Variants in CTDSPL2 observed in about 807,000 individuals in gnomAD.
CTDSPL2 encodes the protein CTD small phosphatase like 2.
In CTDSPL2, 5 loss-of-function variants were observed where a neutral mutation model predicts 60.0. The ratio of observed to expected loss-of-function variants is 0.08; its 90% CI spans 0.04 to 0.18. The LOEUF (loss-of-function observed/expected upper bound fraction) is 0.18, where lower values mean the gene tolerates loss of function less well. CTDSPL2 is among the 10% of genes least tolerant of loss of function. The pLI, the probability that CTDSPL2 is intolerant of heterozygous loss-of-function variation, is 1.00. For missense variants in CTDSPL2, 370 were observed against 548.8 expected (o/e 0.67, Z 3.26); for synonymous variants, 186 against 189.3 (o/e 0.98, Z 0.14).
At chr15:44,445,331 G>T (rs1003510188) in intron 1 of CTDSPL2, among the ~76,000 whole-genome samples, 4 of 151,872 alleles carry the variant, frequency 2.6e-5, no homozygotes, top group African/African-American at 9.7e-5. Flanking sequence ...GGGACTATAG[G>T]CATGCACCAT....
chr15:44,480,885 T>C (rs2081014916), intron 2 of CTDSPL2, among the ~76,000 whole-genome samples: 1 of 152,196 alleles, frequency 6.6e-6, no homozygotes, highest in African/African-American at 2.4e-5. Context: ...GTAGGATTAC[T>C]GTATTTAGTG....
intron 5 of CTDSPL2, among the ~76,000 whole-genome samples, chr15:44,492,160 C>T (rs759662782): frequency 8.6e-5 from 13 of 152,026 alleles, no homozygotes; most frequent in African/African-American, 9.7e-5. Context: ...TGAGCCATTG[C>T]GCCCGGCCAA....
intron 2 of CTDSPL2, among the ~76,000 whole-genome samples, chr15:44,460,464 A>G (rs1280331949): frequency 6.6e-6 from 1 of 152,138 alleles, no homozygotes; most frequent in Non-Finnish European, 1.5e-5. Context: ...GATTGTGTGT[A>G]GTTTTTTTAT....
At chr15:44,501,955 CT>C in intron 8 of CTDSPL2, 1 of 454,902 alleles carries the variant, frequency 2.2e-6, no homozygotes. Flanking sequence ...GTCTTTTAAA[CT>C]TTCAGTGGTG....
intron 1 of CTDSPL2, among the ~76,000 whole-genome samples, chr15:44,431,372 A>T (rs895468373): frequency 1.3e-5 from 2 of 152,232 alleles, no homozygotes; most frequent in African/African-American, 4.8e-5. Flanking sequence ...AGCCAGACAT[A>T]TATTCACTAG....
intron 8 of CTDSPL2, among the ~76,000 whole-genome samples, 175 bp downstream of exon 8, chr15:44,499,988 C>T (rs1239625924): frequency 6.6e-6 from 1 of 152,112 alleles, no homozygotes; most frequent in Admixed American, 6.6e-5. Context: ...CTAGATATTA[C>T]ATAAAACAAC....
intron 10 of CTDSPL2, among the ~76,000 whole-genome samples, chr15:44,518,192 T>C (rs140616472): frequency 0.01 from 1,565 of 152,308 alleles, 32 homozygotes; most frequent in African/African-American, 0.036. Context: ...GTCCTAGATT[T>C]TGTAAAATTG....
chr15:44,474,816 A>C (rs1379351441), intron 2 of CTDSPL2, among the ~76,000 whole-genome samples: 1 of 152,136 alleles, frequency 6.6e-6, no homozygotes, highest in Admixed American at 6.6e-5. Context: ...AAATCACTCC[A>C]TTGCACTCTA....
chr15:44,525,266 A>G lies in CTDSPL2; in HGVS notation c.*1092A>G, dbSNP rs1445489800. On this transcript the variant is annotated 3_prime_UTR_variant, in exon 13 of 13. Coordinates refer to ENST00000260327, the MANE Select transcript of CTDSPL2 (RefSeq NM_016396.3). ...TCTTGGTACCTAACAGTAGCTATGCATAATCCTGTGGCACAGTACACTCCC... is the reference window on the plus strand; with the variant it reads ...TCTTGGTACCTAACAGTAGCTATGCGTAATCCTGTGGCACAGTACACTCCC... 5.0e-6 allele frequency: 2 copies of G among 397,042 alleles called. No homozygotes were observed. The highest frequency in any genetic ancestry group is 8.9e-6 in the Non-Finnish European group (2 of 225,064). The allele number at this position is 397,042 out of a possible 1,614,324, so 24.6% of individuals were successfully genotyped here.
chr15:44,440,870 T>C (rs2080071064), intron 1 of CTDSPL2, among the ~76,000 whole-genome samples: 1 of 152,222 alleles, frequency 6.6e-6, no homozygotes, highest in African/African-American at 2.4e-5. Context: ...ACTCAGGAGT[T>C]AAGCTGAGTT....
At chr15:44,489,142 C>G (rs1045102302) in intron 4 of CTDSPL2, among the ~76,000 whole-genome samples, 20 of 150,032 alleles carry the variant, frequency 1.3e-4, no homozygotes, top group Non-Finnish European at 2.8e-4. Context: ...CCCCCCTCCC[C>G]CCCACCTACC....
intron 12 of CTDSPL2, among the ~76,000 whole-genome samples, chr15:44,522,957 T>G (rs1421508458): frequency 6.6e-6 from 1 of 152,078 alleles, no homozygotes; most frequent in Non-Finnish European, 1.5e-5. Flanking sequence ...TGATGAAACT[T>G]TGGCAGGATG....
At chr15:44,516,167 C>T (rs1055474993) in intron 10 of CTDSPL2, among the ~76,000 whole-genome samples, 2 of 151,904 alleles carry the variant, frequency 1.3e-5, no homozygotes, top group Admixed American at 6.6e-5. Context: ...GGGGTTTCAT[C>T]ATATTGGCCA....
At chr15:44,506,675 A>G (rs2081472589) in intron 8 of CTDSPL2, among the ~76,000 whole-genome samples, 1 of 152,014 alleles carries the variant, frequency 6.6e-6, no homozygotes, top group Middle Eastern at 3.2e-3. Context: ...TCAGACTCCC[A>G]AAGTGCTGAG....
intron 7 of CTDSPL2, among the ~76,000 whole-genome samples, chr15:44,498,772 G>A (rs919168988): frequency 7.2e-5 from 11 of 151,956 alleles, no homozygotes; most frequent in African/African-American, 2.2e-4. Context: ...GGTGGTGGGC[G>A]CCTGTAATTT....
intron 4 of CTDSPL2, among the ~76,000 whole-genome samples, chr15:44,488,830 A>G (rs771811756): frequency 3.3e-5 from 5 of 152,112 alleles, no homozygotes; most frequent in Non-Finnish European, 5.9e-5. Context: ...AAAAAACAAA[A>G]CAAAACAAAA....
intron 2 of CTDSPL2, among the ~76,000 whole-genome samples, chr15:44,462,528 G>A (rs1010411277): frequency 6.6e-6 from 1 of 151,446 alleles, no homozygotes; most frequent in Non-Finnish European, 1.5e-5. Context: ...ACTAGAGTTC[G>A]TGCTCCTATG....
intron 1 of CTDSPL2, chr15:44,448,774 C>A: frequency 2.8e-6 from 1 of 353,422 alleles, no homozygotes. Flanking sequence ...TCCAATACCA[C>A]CAAGGCCATA....
At chr15:44,438,240 G>A (rs1308566358) in intron 1 of CTDSPL2, among the ~76,000 whole-genome samples, 1 of 151,552 alleles carries the variant, frequency 6.6e-6, no homozygotes, top group African/African-American at 2.4e-5. Flanking sequence ...CTCCAGCCTG[G>A]GTGACAGAGC....
Sources: gnomAD v4.1 joint callset for allele counts (sites outside exome capture counted in the v4.1 genomes callset) on GRCh38, gnomAD v4.1.1 for gene constraint, MANE v1.5 for transcripts, NCBI Gene and HGNC (gene_info 2026-07-23, HGNC 2026-07-21) for gene names.